Variants in ANXA13 observed in about 807,000 individuals in gnomAD.
ANXA13 encodes the protein annexin XIII.
A neutral mutation model predicts 46.6 loss-of-function variants in ANXA13; 36 were observed. The ratio of observed to expected loss-of-function variants is 0.77; its 90% CI spans 0.59 to 1.02. The LOEUF (loss-of-function observed/expected upper bound fraction) is 1.02, where lower values mean the gene tolerates loss of function less well. Ranked by LOEUF, ANXA13 falls within the 50% of genes least tolerant of loss-of-function variation. ANXA13 has a pLI of 0.00. For missense variants in ANXA13, 417 were observed against 396.5 expected, an observed-to-expected ratio of 1.05 and a Z score of -0.44; for synonymous variants, 163 against 152.9, an observed-to-expected ratio of 1.07 and a Z score of -0.49.
At chr8:123,691,090 G>A (rs1586314423) in intron 8 of ANXA13, among the ~76,000 whole-genome samples, 1 of 152,316 alleles carries the variant, frequency 6.6e-6, no homozygotes, top group East Asian at 1.9e-4. Flanking sequence ...CGTGGCCTGG[G>A]ATTGCTGGGA....
intron 1 of ANXA13, among the ~76,000 whole-genome samples, chr8:123,724,735 C>A (rs921527045): frequency 5.3e-5 from 8 of 152,200 alleles, no homozygotes; most frequent in Non-Finnish European, 7.3e-5. Flanking sequence ...TTTTAAAATT[C>A]TCTCCCAACT....
chr8:123,719,504 A>G (rs1447596730), intron 1 of ANXA13, among the ~76,000 whole-genome samples: 1 of 152,232 alleles, frequency 6.6e-6, no homozygotes, highest in Admixed American at 6.5e-5. Flanking sequence ...CAATTGCATT[A>G]TGATACAGTA....
chr8:123,687,131 T>G (rs1813154818), intron 9 of ANXA13, among the ~76,000 whole-genome samples: 2 of 152,186 alleles, frequency 1.3e-5, no homozygotes, highest in Non-Finnish European at 2.9e-5. Context: ...TATTTACCTC[T>G]TATTCCCAAC....
In ANXA13 at chr8:123,736,988, A is replaced by G. The variant is rs535326716; in HGVS notation, c.15+332T>C. Among the ~76,000 whole-genome samples, 57 of 150,992 alleles carry G rather than the reference A, an allele frequency of 3.8e-4. 1 individual carries two copies. The South Asian group carries it at 0.012, about 31-fold the overall frequency. ...CTCAGCCTCCTGAGTAGCTGGGACT[A>G]CAGGCATGTTCCACCACACCTAGCT... On this transcript the variant is annotated intron_variant, in intron 1 of 10. Coordinates refer to ENST00000419625, the MANE Select transcript of ANXA13 (RefSeq NM_004306.4).
intron 10 of ANXA13, among the ~76,000 whole-genome samples, chr8:123,682,988 C>T (rs1813066380): frequency 6.6e-6 from 1 of 152,126 alleles, no homozygotes; most frequent in African/African-American, 2.4e-5. Context: ...CATTTGGAAT[C>T]CTGGGTCTTC....
chr8:123,681,836 G>A (rs1217140917), intron 10 of ANXA13, among the ~76,000 whole-genome samples: 1 of 151,992 alleles, frequency 6.6e-6, no homozygotes, highest in Non-Finnish European at 1.5e-5. Context: ...ATGTTGGCCA[G>A]ACTGGTCTCG....
intron 1 of ANXA13, among the ~76,000 whole-genome samples, chr8:123,726,361 G>A (rs945921964): frequency 2.0e-5 from 3 of 152,232 alleles, no homozygotes; most frequent in Non-Finnish European, 4.4e-5. Flanking sequence ...GACCTGACTT[G>A]AAGGCCCTTC....
At chr8:123,692,763 T>G (rs1813264538) in intron 8 of ANXA13, among the ~76,000 whole-genome samples, 1 of 152,206 alleles carries the variant, frequency 6.6e-6, no homozygotes. Context: ...GTTCCTGTTC[T>G]ACAAACAGGA....
chr8:123,682,396 TA>T (rs1301625593), intron 10 of ANXA13, among the ~76,000 whole-genome samples: 2 of 152,234 alleles, frequency 1.3e-5, no homozygotes, highest in Non-Finnish European at 2.9e-5. Flanking sequence ...ATGGATCTCA[TA>T]AAAGAAGCAG....
intron 1 of ANXA13, among the ~76,000 whole-genome samples, chr8:123,714,988 G>A (rs1813734740): frequency 6.6e-6 from 1 of 152,246 alleles, no homozygotes; most frequent in African/African-American, 2.4e-5. Context: ...GCACAATACT[G>A]CCTCACATTC....
chr8:123,702,828 G>A, intron 2 of ANXA13, 92 bp from the exon 3 acceptor site: 1 of 1,166,992 alleles, frequency 8.6e-7, no homozygotes, highest in Non-Finnish European at 1.3e-6. Context: ...AGGACTCACA[G>A]CTTAAAGGTG....
intron 1 of ANXA13, among the ~76,000 whole-genome samples, chr8:123,732,657 T>C (rs1353299139): frequency 6.6e-6 from 1 of 151,482 alleles, no homozygotes; most frequent in Non-Finnish European, 1.5e-5. Context: ...ACCACCTCCT[T>C]ACAATGGCTG....
At chr8:123,707,063 G>T (rs1813552756) in intron 2 of ANXA13, among the ~76,000 whole-genome samples, 1 of 152,188 alleles carries the variant, frequency 6.6e-6, no homozygotes, top group African/African-American at 2.4e-5. Context: ...CAGGACACAT[G>T]GCAAATTCCA....
At chr8:123,710,478 G>T (rs1813636672) in intron 2 of ANXA13, among the ~76,000 whole-genome samples, 1 of 152,214 alleles carries the variant, frequency 6.6e-6, no homozygotes, top group South Asian at 2.1e-4. Flanking sequence ...TGCTGCAAAA[G>T]GGTGAATTTT....
At chr8:123,711,394 G>A (rs928648424) in intron 2 of ANXA13, among the ~76,000 whole-genome samples, 3 of 152,138 alleles carry the variant, frequency 2.0e-5, no homozygotes, top group Admixed American at 2.0e-4. Context: ...ACTAGACCTT[G>A]TGTCATGAGT....
chr8:123,708,996 T>C (rs1327324530), intron 2 of ANXA13, among the ~76,000 whole-genome samples: 2 of 152,218 alleles, frequency 1.3e-5, no homozygotes, highest in Non-Finnish European at 2.9e-5. Context: ...TTTAACTTAA[T>C]TATATCTGCA....
intron 1 of ANXA13, among the ~76,000 whole-genome samples, chr8:123,734,475 G>T (rs184690667): frequency 1.0e-3 from 156 of 152,220 alleles, no homozygotes; most frequent in African/African-American, 3.5e-3. Context: ...CAGTATCTTG[G>T]TTACTGCTGC....
At chr8:123,707,125 A>G (rs976661004) in intron 2 of ANXA13, among the ~76,000 whole-genome samples, 1 of 152,224 alleles carries the variant, frequency 6.6e-6, no homozygotes, top group Non-Finnish European at 1.5e-5. Context: ...GGCTGTCAGT[A>G]TTTATCAGAT....
intron 8 of ANXA13, among the ~76,000 whole-genome samples, chr8:123,691,694 A>C (rs763633939): frequency 6.6e-6 from 1 of 152,224 alleles, no homozygotes; most frequent in Non-Finnish European, 1.5e-5. Flanking sequence ...AATATACATT[A>C]AAATCACCTG....
Sources: gnomAD v4.1 joint callset for allele counts (sites outside exome capture counted in the v4.1 genomes callset) on GRCh38, gnomAD v4.1.1 for gene constraint, MANE v1.5 for transcripts, NCBI Gene and HGNC (gene_info 2026-07-23, HGNC 2026-07-21) for gene names.